Variants in CFAP70 observed in about 807,000 individuals in gnomAD.
The protein encoded by CFAP70 is cilia and flagella associated protein 70.
In CFAP70, 81 loss-of-function variants were observed where a neutral mutation model predicts 137.6. The observed-to-expected ratio is 0.59, with a 90% CI of 0.49 to 0.71. CFAP70 has a LOEUF of 0.71. CFAP70 is among the 30% of genes least tolerant of loss of function. CFAP70 has a pLI of 0.00. For synonymous variants in CFAP70, 382 were observed against 423.6 expected, an observed-to-expected ratio of 0.90 and a Z score of 1.20; for missense variants, 976 against 1,226.7, an observed-to-expected ratio of 0.80 and a Z score of 3.05.
Position 73,275,174 on chromosome 10 carries a change from T to A in CFAP70, c.2673+272A>T. The A allele has an allele frequency of 5.2e-6, 1 of 190,542 alleles. No individual in the cohort carries two copies. 11.8% of individuals were successfully genotyped at this position (190,542 alleles called of 1,614,324 possible). On this transcript the variant is annotated intron_variant, in intron 22 of 26. Transcript: ENST00000310715. The surrounding 1 kb of genome is among the most constrained non-coding windows in gnomAD (Gnocchi z 4.0). ...TTTTGTATTTTTAGTAGAGATGGGG[T>A]TTCACTATGTTGGCCAGGCTGGTCT... is the stretch of plus-strand genomic sequence containing the variant.
chr10:73,334,945 G>A (rs551647657), intron 7 of CFAP70, among the ~76,000 whole-genome samples: 3 of 149,072 alleles, frequency 2.0e-5, no homozygotes, highest in Non-Finnish European at 3.0e-5. Flanking sequence ...GTGCAGTGAC[G>A]CAATCACAGC....
chr10:73,350,920 C>A (rs948344666), intron 3 of CFAP70, among the ~76,000 whole-genome samples: 1 of 150,456 alleles, frequency 6.6e-6, no homozygotes, highest in Non-Finnish European at 1.5e-5. Context: ...ACCACCATAC[C>A]CAGCTAATTT....
intron 7 of CFAP70, among the ~76,000 whole-genome samples, chr10:73,332,198 A>T (rs1433736022): frequency 1.3e-5 from 2 of 152,196 alleles, no homozygotes; most frequent in East Asian, 3.9e-4. Context: ...AAATTGCTGG[A>T]GGCTAAATGT....
At chr10:73,310,129 A>G in intron 12 of CFAP70, 29 bp downstream of exon 13, 1 of 1,482,304 alleles carries the variant, frequency 6.7e-7, no homozygotes, top group Non-Finnish European at 9.3e-7. Context: ...AAATTGTACA[A>G]AACTAGTATA....
At chr10:73,298,359 CT>C (rs2048694988) in intron 14 of CFAP70, among the ~76,000 whole-genome samples, 2 of 152,130 alleles carry the variant, frequency 1.3e-5, no homozygotes, top group Admixed American at 1.3e-4. Flanking sequence ...TTAACTATTT[CT>C]CAAATTTTAG....
intron 26 of CFAP70, among the ~76,000 whole-genome samples, chr10:73,255,302 G>C (rs1252728676): frequency 6.6e-6 from 1 of 152,032 alleles, no homozygotes; most frequent in East Asian, 1.9e-4. Context: ...AGGCTGAAGC[G>C]GAGAATGGCC....
At chr10:73,353,948 T>C (rs536247003) in intron 2 of CFAP70, among the ~76,000 whole-genome samples, 17 of 152,366 alleles carry the variant, frequency 1.1e-4, no homozygotes, top group Admixed American at 8.5e-4. Context: ...TGCTGTTATG[T>C]TGGAGTCTTG....
intron 5 of CFAP70, among the ~76,000 whole-genome samples, chr10:73,342,547 TAATAGATAGATA>T (rs2053339163): frequency 6.6e-6 from 1 of 151,772 alleles, no homozygotes. Flanking sequence ...TGTCTCTTAT[TAATAGATAGATA>T]GATAGAGAGA....
At chr10:73,310,494 A>C (rs2049819658) in intron 11 of CFAP70, among the ~76,000 whole-genome samples, 1 of 152,184 alleles carries the variant, frequency 6.6e-6, no homozygotes, top group Non-Finnish European at 1.5e-5. Context: ...CTACAGTGTA[A>C]CAAGGCTGAA....
chr10:73,346,746 T>C (rs1366559014), intron 4 of CFAP70, among the ~76,000 whole-genome samples: 2 of 152,190 alleles, frequency 1.3e-5, no homozygotes, highest in African/African-American at 2.4e-5. Flanking sequence ...ACTCATGTCA[T>C]AGTGTCAAGA....
intron 15 of CFAP70, 137 bp from the exon 17 acceptor site, chr10:73,293,525 C>A: frequency 4.5e-6 from 3 of 672,378 alleles, no homozygotes; most frequent in Non-Finnish European, 6.8e-6. Flanking sequence ...GACAGTCTTG[C>A]CAAAAAAGTA....
intron 9 of CFAP70, among the ~76,000 whole-genome samples, chr10:73,314,093 T>C (rs2050149007): frequency 6.6e-6 from 1 of 152,174 alleles, no homozygotes; most frequent in South Asian, 2.1e-4. Context: ...ACATGGATGA[T>C]TCTCAAAATA....
intron 5 of CFAP70, among the ~76,000 whole-genome samples, chr10:73,343,065 C>A (rs531839657): frequency 1.3e-5 from 2 of 152,198 alleles, no homozygotes; most frequent in Admixed American, 1.3e-4. Flanking sequence ...AAAAAATTAG[C>A]CGGGCCTGGT....
intron 25 of CFAP70, among the ~76,000 whole-genome samples, chr10:73,260,260 G>A (rs909353297): frequency 6.6e-6 from 1 of 151,984 alleles, no homozygotes; most frequent in African/African-American, 2.4e-5. Flanking sequence ...GGCTGAAACA[G>A]GAGGATCCCT....
At chr10:73,330,193 T>C (rs11000608) in intron 8 of CFAP70, among the ~76,000 whole-genome samples, 16,038 of 152,064 alleles carry the variant, frequency 0.11, 1,206 homozygotes, top group East Asian at 0.3. Context: ...GGCTCACACC[T>C]ATAATCCCAG....
At chr10:73,299,155 T>G (rs573844378) in intron 13 of CFAP70, 54 bp from the exon 15 acceptor site, 17 of 1,330,204 alleles carry the variant, frequency 1.3e-5, no homozygotes, top group African/African-American at 3.0e-5. Flanking sequence ...AGAGCATGGA[T>G]TGGAAGTCTA....
At chr10:73,286,180 C>T (rs999224091) in intron 19 of CFAP70, among the ~76,000 whole-genome samples, 1 of 152,146 alleles carries the variant, frequency 6.6e-6, no homozygotes, top group Non-Finnish European at 1.5e-5. Context: ...CGCGGTGGCT[C>T]ACGCCTGTAA....
chr10:73,283,285 G>A (rs753918415), intron 19 of CFAP70, among the ~76,000 whole-genome samples: 1 of 152,198 alleles, frequency 6.6e-6, no homozygotes, highest in Non-Finnish European at 1.5e-5. Context: ...GATGTTCCAT[G>A]TGCACTTGAA....
chr10:73,331,032 A>G (rs1325498565), intron 8 of CFAP70, 145 bp downstream of exon 9: 3 of 566,080 alleles, frequency 5.3e-6, no homozygotes, highest in Non-Finnish European at 9.2e-6. Flanking sequence ...AACAAGTGAC[A>G]TTCAAGGCAA....
Sources: gnomAD v4.1 joint callset for allele counts (sites outside exome capture counted in the v4.1 genomes callset) on GRCh38, gnomAD v4.1.1 for gene constraint, Gnocchi (gnomAD v3.1) non-coding constraint, MANE v1.5 for transcripts, NCBI Gene and HGNC (gene_info 2026-07-23, HGNC 2026-07-21) for gene names.